DPP10: variants seen among roughly 807,000 people sequenced by gnomAD.
The protein encoded by DPP10 is dipeptidyl peptidase like 10.
In DPP10, 33 loss-of-function variants were observed where a neutral mutation model predicts 120.9. That is an observed-to-expected ratio of 0.27 (90% CI 0.21 to 0.37). The LOEUF is 0.37. Among genes scored for constraint, DPP10 ranks in the 10% least tolerant of loss-of-function variants. DPP10 has a pLI of 1.00. For synonymous variants in DPP10, 337 were observed against 326.1 expected, an observed-to-expected ratio of 1.03 and a Z score of -0.36; for missense variants, 816 against 942.8, an observed-to-expected ratio of 0.87 and a Z score of 1.76.
At chr2:114,564,492 T>C (rs999910068) in intron 1 of DPP10, among the ~76,000 whole-genome samples, 31 of 152,164 alleles carry the variant, frequency 2.0e-4, no homozygotes, top group African/African-American at 7.5e-4. Flanking sequence ...CAACTAAGGT[T>C]ATTTAGAAAC....
chr2:114,532,296 T>TACACACACACACACAC (rs56653562), intron 1 of DPP10, among the ~76,000 whole-genome samples: 24 of 74,776 alleles, frequency 3.2e-4, no homozygotes, highest in African/African-American at 1.6e-3. Flanking sequence ...TATATATATA[T>TACACACACACACACAC]ACACACACAC....
chr2:114,642,527 T>G (rs144976272), intron 1 of DPP10, among the ~76,000 whole-genome samples: 1 of 152,000 alleles, frequency 6.6e-6, no homozygotes, highest in African/African-American at 2.4e-5. Context: ...GGTACTAAAG[T>G]TTCTCCCAGG....
intron 2 of DPP10, among the ~76,000 whole-genome samples, chr2:115,343,456 T>A (rs1218792869): frequency 2.0e-5 from 3 of 152,096 alleles, no homozygotes; most frequent in African/African-American, 7.2e-5. Flanking sequence ...TGAAAGAATA[T>A]ATCAACATAA....
Position 115,040,302 on chromosome 2 carries a change from G to C in DPP10, c.61-268937G>C, listed in dbSNP as rs571955244. 4.6e-5 allele frequency among the ~76,000 whole-genome samples: 7 copies of C among 151,960 alleles called. No individual in the cohort carries two copies. The East Asian group carries it at 1.2e-3, about 26-fold the overall frequency. Reference sequence around the variant, plus strand: ...GTAGACATGGTCATCTGTGGGTAAAGTCCTTCTTCATATCCTATTTATTTA... The same window carrying C: ...GTAGACATGGTCATCTGTGGGTAAACTCCTTCTTCATATCCTATTTATTTA... On this transcript the variant is annotated intron_variant, in intron 1 of 25. Transcript: ENST00000410059.
intron 1 of DPP10, among the ~76,000 whole-genome samples, chr2:114,860,297 A>G (rs996218955): frequency 1.3e-5 from 2 of 152,182 alleles, no homozygotes; most frequent in Non-Finnish European, 2.9e-5. Flanking sequence ...AGTATCTACC[A>G]TATGCCACAT....
intron 2 of DPP10, among the ~76,000 whole-genome samples, chr2:115,326,188 A>G (rs572028696): frequency 2.1e-4 from 32 of 152,190 alleles, no homozygotes; most frequent in Non-Finnish European, 4.1e-4. Flanking sequence ...AGCCATGCAC[A>G]TTATAATGGC....
chr2:115,622,333 A>T (rs2085013240), intron 5 of DPP10, among the ~76,000 whole-genome samples: 1 of 152,098 alleles, frequency 6.6e-6, no homozygotes, highest in Non-Finnish European at 1.5e-5. Flanking sequence ...TTTGAGATTC[A>T]TAGGTGTTGT....
At chr2:114,691,079 C>T (rs1699713440) in intron 1 of DPP10, among the ~76,000 whole-genome samples, 3 of 151,990 alleles carry the variant, frequency 2.0e-5, no homozygotes, top group African/African-American at 7.2e-5. Context: ...TGCCTAATTG[C>T]CCTGGCCAGA....
intron 1 of DPP10, among the ~76,000 whole-genome samples, chr2:115,269,039 C>T (rs535669238): frequency 6.6e-6 from 1 of 152,218 alleles, no homozygotes; most frequent in East Asian, 1.9e-4. Flanking sequence ...CCCACCTACT[C>T]AGGAGGCTGA....
chr2:114,565,876 GATTCATTC>G (rs200449756), intron 1 of DPP10, among the ~76,000 whole-genome samples: 3 of 152,134 alleles, frequency 2.0e-5, no homozygotes, highest in African/African-American at 4.8e-5. Flanking sequence ...TCATAGAATA[GATTCATTC>G]ATTCATTCAT....
At chr2:115,062,256 T>C (rs898290225) in intron 1 of DPP10, among the ~76,000 whole-genome samples, 1 of 152,076 alleles carries the variant, frequency 6.6e-6, no homozygotes, top group African/African-American at 2.4e-5. Flanking sequence ...AAATTTTGTA[T>C]GAAGTATCTT....
At chr2:115,049,746 A>G (rs1220324043) in intron 1 of DPP10, among the ~76,000 whole-genome samples, 1 of 152,084 alleles carries the variant, frequency 6.6e-6, no homozygotes, top group Non-Finnish European at 1.5e-5. Context: ...GCATTTCTGC[A>G]CTCTTCTTCC....
At chr2:115,509,139 A>G (rs2077095359) in intron 4 of DPP10, among the ~76,000 whole-genome samples, 2 of 152,140 alleles carry the variant, frequency 1.3e-5, no homozygotes, top group South Asian at 4.1e-4. Flanking sequence ...GGAAACAAAT[A>G]TATTCCCGTT....
intron 1 of DPP10, among the ~76,000 whole-genome samples, chr2:115,102,419 G>GT (rs1369623634): frequency 6.7e-6 from 1 of 148,682 alleles, no homozygotes; most frequent in Non-Finnish European, 1.5e-5. Flanking sequence ...TTGTTTGTTT[G>GT]TTTGTTTTTG....
chr2:115,059,038 G>T (rs1706177570), intron 1 of DPP10, among the ~76,000 whole-genome samples: 1 of 152,150 alleles, frequency 6.6e-6, no homozygotes, highest in South Asian at 2.1e-4. Context: ...ATCCATTCGT[G>T]TCTATCTTGG....
At chr2:115,531,256 G>C (rs1481994170) in intron 5 of DPP10, among the ~76,000 whole-genome samples, 1 of 151,418 alleles carries the variant, frequency 6.6e-6, no homozygotes, top group African/African-American at 2.4e-5. Flanking sequence ...TTGTCCCATT[G>C]AGACAGAAAC....
At chr2:114,804,569 G>C (rs1684557677) in intron 1 of DPP10, among the ~76,000 whole-genome samples, 1 of 152,214 alleles carries the variant, frequency 6.6e-6, no homozygotes, top group Non-Finnish European at 1.5e-5. Flanking sequence ...CTGGATGTGA[G>C]ACCTGGAGTC....
intron 3 of DPP10, among the ~76,000 whole-genome samples, chr2:115,369,129 A>G (rs1451762232): frequency 6.6e-6 from 1 of 152,066 alleles, no homozygotes; most frequent in Non-Finnish European, 1.5e-5. Context: ...ATAGCTGAAA[A>G]TTCACATTTC....
chr2:115,474,319 G>A (rs2074929993), intron 3 of DPP10, among the ~76,000 whole-genome samples: 1 of 152,128 alleles, frequency 6.6e-6, no homozygotes, highest in South Asian at 2.1e-4. Context: ...GAGAAGACAC[G>A]AGTCCTCTGT....
Sources: allele counts gnomAD v4.1 joint callset (sites outside exome capture counted in the v4.1 genomes callset), GRCh38; gene constraint gnomAD v4.1.1; transcripts MANE v1.5; gene names NCBI Gene and HGNC (gene_info 2026-07-23, HGNC 2026-07-21).